KCNC2: variants seen among roughly 807,000 people sequenced by gnomAD.
KCNC2 encodes the protein potassium voltage-gated channel subfamily C member 2.
Under a neutral mutation model 44.5 loss-of-function variants are expected in KCNC2, and 21 were observed. The ratio of observed to expected loss-of-function variants is 0.47; its 90% CI spans 0.33 to 0.68. The LOEUF (loss-of-function observed/expected upper bound fraction) is 0.68, where lower values mean the gene tolerates loss of function less well. Ranked by LOEUF, KCNC2 falls within the 30% of genes least tolerant of loss-of-function variation. The pLI, the probability that KCNC2 is intolerant of heterozygous loss-of-function variation, is 0.01. For synonymous variants in KCNC2, 391 were observed against 339.1 expected (o/e 1.15, Z -1.68); for missense variants, 589 against 826.2 (o/e 0.71, Z 3.52).
chr12:75,161,637 A>G (rs550977354), intron 2 of KCNC2, among the ~76,000 whole-genome samples: 203 of 151,928 alleles, frequency 1.3e-3, no homozygotes, highest in African/African-American at 4.7e-3. Flanking sequence ...TTTCTGGCCC[A>G]GTAAGTTTTA....
In KCNC2 at chr12:75,044,140, C is replaced by A. The variant is rs115166533; in HGVS notation, c.1781-899G>T. ...TTGCATATTTTAGTATTTTTTATTA[C>A]AAAATATTACAGACAGTTAAACGAG... is the stretch of plus-strand genomic sequence containing the variant. On this transcript the variant is annotated intron_variant, in intron 4 of 4. Transcript: ENST00000549446. Among the ~76,000 whole-genome samples the A allele has an allele frequency of 9.1e-3, 1,384 of 151,914 alleles. 27 individuals carry two copies. The highest frequency in any genetic ancestry group is 0.032 in the African/African-American group (1,311 of 41,496).
rs1879991565 is a variant in KCNC2, at chr12:75,042,257, A to G, written c.*848T>C. Reference sequence around the variant, plus strand: ...CCAAGCAGCAATTTCTGGCTAAACAATGCAAGCCTGGCTGGCAGTTACCTT... The same window carrying G: ...CCAAGCAGCAATTTCTGGCTAAACAGTGCAAGCCTGGCTGGCAGTTACCTT... On this transcript the variant is annotated 3_prime_UTR_variant, in exon 5 of 5. Transcript: ENST00000549446. The G allele has an allele frequency of 3.1e-6, 5 of 1,605,084 alleles. No homozygotes were observed. Among genetic ancestry groups the G allele is most frequent in the Non-Finnish European group, 4.3e-6 (5 of 1,175,938 alleles).
At chr12:75,076,854 TTAA>T (rs905589398) in intron 2 of KCNC2, among the ~76,000 whole-genome samples, 9 of 152,212 alleles carry the variant, frequency 5.9e-5, no homozygotes, top group African/African-American at 1.7e-4. Flanking sequence ...TAATTGGGTG[TTAA>T]TAAAGTTTGG....
At chr12:75,166,557 G>A (rs928148836) in intron 2 of KCNC2, among the ~76,000 whole-genome samples, 3 of 151,024 alleles carry the variant, frequency 2.0e-5, no homozygotes, top group African/African-American at 7.3e-5. Context: ...ATATCATATG[G>A]TAGAGGAAAT....
intron 2 of KCNC2, among the ~76,000 whole-genome samples, chr12:75,111,770 G>A (rs1042180484): frequency 2.0e-4 from 31 of 152,004 alleles, no homozygotes; most frequent in Non-Finnish European, 4.3e-4. Flanking sequence ...TGAAGGAAGG[G>A]TGAAGAATAC....
chr12:75,093,241 A>G (rs1289117535), intron 2 of KCNC2, among the ~76,000 whole-genome samples: 2 of 151,644 alleles, frequency 1.3e-5, no homozygotes, highest in Non-Finnish European at 3.0e-5. Context: ...ATTTAGGAAC[A>G]TCTTTTAGAA....
At chr12:75,124,349 T>C (rs978814514) in intron 2 of KCNC2, among the ~76,000 whole-genome samples, 2 of 152,176 alleles carry the variant, frequency 1.3e-5, no homozygotes, top group African/African-American at 4.8e-5. Context: ...TTTAATACTT[T>C]CACTAAGGCC....
intron 2 of KCNC2, among the ~76,000 whole-genome samples, chr12:75,114,234 T>A (rs939183067): frequency 3.3e-5 from 5 of 152,340 alleles, no homozygotes; most frequent in African/African-American, 1.2e-4. Context: ...TGGATAGGTA[T>A]ATTTTAATAA....
chr12:75,171,682 T>C (rs757428639), intron 2 of KCNC2, among the ~76,000 whole-genome samples: 17 of 151,806 alleles, frequency 1.1e-4, no homozygotes, highest in Non-Finnish European at 2.1e-4. Context: ...GTGGAATAAG[T>C]TCTAGTGTTT....
rs1334573535 is a variant in KCNC2 at position 75,061,306 on chromosome 12, T to A, written c.688-9989A>T. Among the ~76,000 whole-genome samples the A allele has an allele frequency of 2.0e-5, 3 of 152,028 alleles. No homozygotes were observed. The East Asian group carries it at 5.8e-4, about 29-fold the overall frequency. On this transcript the variant is annotated intron_variant, in intron 2 of 4. Coordinates refer to ENST00000549446, the MANE Select transcript of KCNC2 (RefSeq NM_139137.4). ...ACAGAATAGGAAGAAAGATATAAACTAAGACAAATTAGAAAATAGATTGTC... is the reference window on the plus strand; with the variant it reads ...ACAGAATAGGAAGAAAGATATAAACAAAGACAAATTAGAAAATAGATTGTC...
intron 2 of KCNC2, among the ~76,000 whole-genome samples, chr12:75,142,941 T>A (rs1228432656): frequency 6.6e-6 from 1 of 152,154 alleles, no homozygotes; most frequent in Non-Finnish European, 1.5e-5. Context: ...AAGTATTTAT[T>A]CCCTCGCACT....
chr12:75,041,976 G>A lies in KCNC2; in HGVS notation c.*1129C>T. 1 of 1,029,968 alleles carries A rather than the reference G, an allele frequency of 9.7e-7. No individual in the cohort carries two copies. The highest frequency in any genetic ancestry group is 1.2e-6 in the Non-Finnish European group (1 of 859,776). 63.8% of individuals were successfully genotyped at this position (1,029,968 alleles called of 1,614,324 possible). ...AAAGACAGGGAGCTAAGACAGACAA[G>A]AACAACATACAGGACAAAGCACCTG... On this transcript the variant is annotated 3_prime_UTR_variant, in exon 5 of 5. Transcript: ENST00000549446.
At chr12:75,070,481 C>G (rs115241069) in intron 2 of KCNC2, among the ~76,000 whole-genome samples, 2,068 of 149,100 alleles carry the variant, frequency 0.014, 42 homozygotes, top group African/African-American at 0.045. Flanking sequence ...TTTTTATACT[C>G]TAAGCATAAT....
chr12:75,089,503 T>A (rs895941605), intron 2 of KCNC2, among the ~76,000 whole-genome samples: 8 of 151,890 alleles, frequency 5.3e-5, no homozygotes, highest in African/African-American at 1.9e-4. Context: ...TCCACCTATA[T>A]TTAACATATG....
chr12:75,127,715 C>G (rs186731402), intron 2 of KCNC2, among the ~76,000 whole-genome samples: 5 of 152,192 alleles, frequency 3.3e-5, no homozygotes, highest in Admixed American at 2.6e-4. Flanking sequence ...AAGGCTGTAG[C>G]CATATAAAAA....
intron 2 of KCNC2, among the ~76,000 whole-genome samples, chr12:75,199,370 C>A (rs1339185640): frequency 6.6e-6 from 1 of 151,798 alleles, no homozygotes; most frequent in Non-Finnish European, 1.5e-5. Flanking sequence ...GTCAGTTTAG[C>A]AAGATGTTGG....
chr12:75,043,884 A>T, intron 4 of KCNC2: 2 of 925,918 alleles, frequency 2.2e-6, no homozygotes, highest in Non-Finnish European at 3.1e-6. Flanking sequence ...ATTTCAGTGA[A>T]ATAAGTTTGA....
At chr12:75,068,435 C>A (rs781258418) in intron 2 of KCNC2, among the ~76,000 whole-genome samples, 4 of 152,182 alleles carry the variant, frequency 2.6e-5, no homozygotes, top group Admixed American at 6.5e-5. Context: ...AGAGAGGAAA[C>A]AGATTCAAGA....
At chr12:75,190,557 A>G (rs1433800845) in intron 2 of KCNC2, among the ~76,000 whole-genome samples, 1 of 152,202 alleles carries the variant, frequency 6.6e-6, no homozygotes, top group East Asian at 1.9e-4. Flanking sequence ...AATGTTAGAT[A>G]GCAGGTTTTA....
Sources: gnomAD v4.1 joint callset for allele counts (sites outside exome capture counted in the v4.1 genomes callset) on GRCh38, gnomAD v4.1.1 for gene constraint, MANE v1.5 for transcripts, NCBI Gene and HGNC (gene_info 2026-07-23, HGNC 2026-07-21) for gene names.